TLE1: variants seen among roughly 807,000 people sequenced by gnomAD.
The protein encoded by TLE1 is transducin-like enhancer protein 1.
TLE1 carries 21 observed loss-of-function variants against 89.8 expected under a neutral mutation model. That is an observed-to-expected ratio of 0.23 (90% CI 0.17 to 0.34). The LOEUF is 0.34. TLE1 is among the 10% of genes least tolerant of loss of function. The pLI, the probability that TLE1 is intolerant of heterozygous loss-of-function variation, is 1.00. For synonymous variants in TLE1, 447 were observed against 407.6 expected, an observed-to-expected ratio of 1.10 and a Z score of -1.16; for missense variants, 795 against 1,031.2, an observed-to-expected ratio of 0.77 and a Z score of 3.14.
In TLE1 at chr9:81,661,766, A is replaced by C. The variant is rs559551058; in HGVS notation, c.235-7730T>G. On this transcript the variant is annotated intron_variant, in intron 4 of 19. Coordinates refer to ENST00000376499, the MANE Select transcript of TLE1 (RefSeq NM_005077.5). Reference sequence around the variant, plus strand: ...AATGACAACCTTAAATCCCCCCCCCAAAAAAAATGTACACAGAAACCTCAC... The same window carrying C: ...AATGACAACCTTAAATCCCCCCCCCCAAAAAAATGTACACAGAAACCTCAC... Among the ~76,000 whole-genome samples, 1,214 of 151,756 alleles carry C rather than the reference A, an allele frequency of 8.0e-3. 15 individuals carry two copies. Among genetic ancestry groups the C allele is most frequent in the African/African-American group, 0.027 (1,136 of 41,362 alleles).
intron 4 of TLE1, among the ~76,000 whole-genome samples, chr9:81,665,027 C>A (rs183249229): frequency 3.3e-5 from 5 of 152,174 alleles, no homozygotes; most frequent in Non-Finnish European, 5.9e-5. Flanking sequence ...GACACCAGGT[C>A]CCCTGGGAGA....
chr9:81,644,067 T>G (rs1828514262), intron 6 of TLE1, among the ~76,000 whole-genome samples: 1 of 152,110 alleles, frequency 6.6e-6, no homozygotes. Context: ...CCCATTAGGA[T>G]GCGGAGAATA....
intron 17 of TLE1, among the ~76,000 whole-genome samples, chr9:81,586,473 A>T (rs2796459): frequency 0.18 from 27,582 of 152,218 alleles, 3,228 homozygotes; most frequent in Middle Eastern, 0.33. Context: ...GTACATCCAG[A>T]TACATCTAAA....
intron 4 of TLE1, among the ~76,000 whole-genome samples, chr9:81,657,858 G>A (rs1347611624): frequency 1.3e-5 from 2 of 149,492 alleles, no homozygotes; most frequent in South Asian, 4.2e-4. Context: ...TATTATTTAG[G>A]AAATAATGAC....
rs1211662580 is a variant in TLE1 at position 81,616,027 on chromosome 9, G to A, written c.873C>T (p.Ala291=). ...KDASSSPAST[A]SSASSTSLKS... ...TCAAAGAAGTGGAACTTGCCGAGGAGGCCGTGGAAGCTGGACTGCTAGAAG... is the reference window on the plus strand; with the variant it reads ...TCAAAGAAGTGGAACTTGCCGAGGAAGCCGTGGAAGCTGGACTGCTAGAAG... The change falls in exon 11 of 20, where the codon GCC becomes GCT. Residue 291 remains alanine, a synonymous_variant. Transcript: ENST00000376499. The A allele has an allele frequency of 1.2e-6, 2 of 1,613,962 alleles. No homozygotes were observed. Among genetic ancestry groups the A allele is most frequent in the East Asian group, 2.2e-5 (1 of 44,884 alleles).
intron 4 of TLE1, 25 bp from the exon 5 acceptor site, chr9:81,654,061 G>A: frequency 6.2e-7 from 1 of 1,611,642 alleles, no homozygotes; most frequent in Non-Finnish European, 8.5e-7. Flanking sequence ...CCACACAAAT[G>A]TTTAGAATAC....
rs906637381 is a variant in TLE1 at position 81,688,330 on chromosome 9, G to A, written c.-90C>T. The A allele has an allele frequency of 2.2e-6, 3 of 1,382,038 alleles. No homozygotes were observed. Among genetic ancestry groups the A allele is most frequent in the Admixed American group, 3.5e-5 (1 of 28,884 alleles). The allele number at this position is 1,382,038 out of a possible 1,614,324, so 85.6% of individuals were successfully genotyped here. A position where few individuals can be genotyped will look rare whatever the true frequency, so the allele number is the denominator to read the frequency against. Reference sequence around the variant, plus strand: ...AATCCCGCCGAGGAAAATTAAGCCGGAAAGCCAAGCAGAAGCGGGGAGCGC... The same window carrying A: ...AATCCCGCCGAGGAAAATTAAGCCGAAAAGCCAAGCAGAAGCGGGGAGCGC... On this transcript the variant is annotated 5_prime_UTR_variant, in exon 1 of 20. Transcript: ENST00000376499.
intron 14 of TLE1, among the ~76,000 whole-genome samples, chr9:81,596,906 G>A (rs77065384): frequency 0.036 from 5,449 of 152,258 alleles, 133 homozygotes; most frequent in Middle Eastern, 0.061. Context: ...GCACTTTTCT[G>A]TATGTGTATG....
chr9:81,640,614 A>C (rs1827984716), intron 6 of TLE1, among the ~76,000 whole-genome samples: 1 of 152,196 alleles, frequency 6.6e-6, no homozygotes, highest in Non-Finnish European at 1.5e-5. Flanking sequence ...TGATACTGAA[A>C]ACCCACAAGG....
rs1359663630 is a variant in TLE1 at position 81,584,219 on chromosome 9, T to C, written c.2292A>G (p.Thr764=). Residue 764 remains threonine (T), a synonymous_variant, in exon 20 of 20, where the codon ACA becomes ACG. Transcript: ENST00000376499. ...GTTTTCAGTAGATGACTTCATAGACTGTAGCCTTCTTGTCCCCCGAGCCAG... is the reference window on the plus strand; with the variant it reads ...GTTTTCAGTAGATGACTTCATAGACCGTAGCCTTCTTGTCCCCCGAGCCAG... The part of the protein sequence containing the change: ...IVTGSGDKKA[T]VYEVIY The C allele has an allele frequency of 6.2e-7, 1 of 1,614,202 alleles. No homozygotes were observed. The highest frequency in any genetic ancestry group is 1.7e-5 in the Admixed American group (1 of 60,026).
At chr9:81,632,206 G>A (rs963826907) in intron 8 of TLE1, among the ~76,000 whole-genome samples, 4 of 152,016 alleles carry the variant, frequency 2.6e-5, no homozygotes, top group African/African-American at 7.2e-5. Context: ...TTATTTCCCA[G>A]CTATAATTTT....
rs192175821 is a variant in TLE1, at chr9:81,624,694, G to A, written c.595-4137C>T. Among the ~76,000 whole-genome samples, 12 of 152,178 alleles carry A rather than the reference G, an allele frequency of 7.9e-5. No individual in the cohort carries two copies. In the East Asian group the frequency reaches 2.3e-3, roughly 29 times the overall value. ...AAATATCTGCCAGGATTTTTTTAAA[G>A]ACTTTAAATGTTGGGCAGACTTCTA... On this transcript the variant is annotated intron_variant, in intron 8 of 19. Coordinates refer to ENST00000376499, the MANE Select transcript of TLE1 (RefSeq NM_005077.5).
intron 6 of TLE1, among the ~76,000 whole-genome samples, chr9:81,648,434 T>C (rs1315318687): frequency 6.6e-6 from 1 of 152,146 alleles, no homozygotes; most frequent in Non-Finnish European, 1.5e-5. Context: ...GGAATGTGGG[T>C]TACCAGGTAT....
intron 6 of TLE1, among the ~76,000 whole-genome samples, chr9:81,651,441 C>T (rs1829517401): frequency 6.6e-6 from 1 of 152,144 alleles, no homozygotes; most frequent in South Asian, 2.1e-4. Flanking sequence ...GTGGCTAGCA[C>T]GGAGCACTAA....
intron 4 of TLE1, among the ~76,000 whole-genome samples, chr9:81,668,696 A>G (rs1192396743): frequency 6.6e-6 from 1 of 152,056 alleles, no homozygotes; most frequent in African/African-American, 2.4e-5. Flanking sequence ...CACATAATTA[A>G]AAGTATGCCA....
intron 17 of TLE1, 79 bp from the exon 18 acceptor site, chr9:81,585,734 A>T: frequency 6.5e-7 from 1 of 1,531,254 alleles, no homozygotes; most frequent in Non-Finnish European, 8.8e-7. Context: ...AAAAGTGGGG[A>T]AATAGCAAGA....
At chr9:81,597,319 T>G (rs1415360506) in intron 14 of TLE1, among the ~76,000 whole-genome samples, 1 of 151,952 alleles carries the variant, frequency 6.6e-6, no homozygotes, top group Non-Finnish European at 1.5e-5. Context: ...ATTGAGGGCT[T>G]TATCTCAACC....
chr9:81,628,469 T>C (rs1826176796), intron 8 of TLE1, among the ~76,000 whole-genome samples: 1 of 152,172 alleles, frequency 6.6e-6, no homozygotes, highest in African/African-American at 2.4e-5. Flanking sequence ...AGTATTCTTT[T>C]CCAAAGCAAG....
At chr9:81,617,009 T>C (rs938585307) in intron 9 of TLE1, among the ~76,000 whole-genome samples, 3 of 152,106 alleles carry the variant, frequency 2.0e-5, no homozygotes, top group African/African-American at 7.2e-5. Flanking sequence ...GCTCAGTAAA[T>C]GGTTGCAACA....
Sources: allele counts gnomAD v4.1 joint callset (sites outside exome capture counted in the v4.1 genomes callset), GRCh38; gene constraint gnomAD v4.1.1; transcripts MANE v1.5; gene names NCBI Gene and HGNC (gene_info 2026-07-23, HGNC 2026-07-21).